The following SLC18A3 variants were observed in gnomAD, a reference collection of about 807,000 sequenced individuals.
The protein encoded by SLC18A3 is vesicular acetylcholine transporter.
In SLC18A3, 18 loss-of-function variants were observed where a neutral mutation model predicts 24.2. The observed-to-expected ratio is 0.74, with a 90% confidence interval of 0.51 to 1.10. SLC18A3 has a LOEUF of 1.10. Among genes scored for constraint, SLC18A3 ranks in the 50% least tolerant of loss-of-function variants. The probability of loss-of-function intolerance (pLI) is 0.00; values close to 1 mark genes in which losing one functional copy is unlikely to be tolerated. For missense variants in SLC18A3, 744 were observed against 750.7 expected (o/e 0.99, Z 0.10); for synonymous variants, 415 against 355.4 (o/e 1.17, Z -1.89).
Position 49,612,555 on chromosome 10 carries a change from C to T in SLC18A3, c.*216C>T, listed in dbSNP as rs1564467579. 3.6e-6 allele frequency: 2 copies of T among 554,260 alleles called. No homozygotes were observed. The highest frequency in any genetic ancestry group is 6.6e-5 in the South Asian group (2 of 30,264). The allele number at this position is 554,260 out of a possible 1,614,324, so 34.3% of individuals were successfully genotyped here. On this transcript the variant is annotated 3_prime_UTR_variant, in exon 1 of 1. Coordinates refer to ENST00000374115, the MANE Select transcript of SLC18A3 (RefSeq NM_003055.3). ...CTTGGAGCACCGAGGCCAGCGAAGC[C>T]ATCGCGCTCCTTGCGGAGGTGAAGA...
rs767165278 is a variant in SLC18A3 at position 49,612,197 on chromosome 10, T to C, written c.1457T>C (p.Leu486Pro). Residue 486 changes from leucine (L) to proline (P), a missense_variant, in exon 1 of 1, where the codon CTT becomes CCT. Physicochemically the swap from Leu to Pro is moderately conservative, Grantham distance 98. Around this residue, in one of 3 missense-constraint regions of SLC18A3, gnomAD observed 160 missense variants for 140.9 expected, o/e 1.14. Transcript: ENST00000374115. ...TRSRSERDVL[L>P]DEPPQGLYDA... Reference sequence around the variant, plus strand: ...TCCCGTTCCGAGCGCGATGTGCTGCTTGATGAGCCACCGCAAGGTCTGTAC... The same window carrying C: ...TCCCGTTCCGAGCGCGATGTGCTGCCTGATGAGCCACCGCAAGGTCTGTAC... 5 of 1,609,234 alleles carry C rather than the reference T, an allele frequency of 3.1e-6. No individual in the cohort carries two copies. The highest frequency in any genetic ancestry group is 1.3e-5 in the African/African-American group (1 of 74,946).
Position 49,612,154 on chromosome 10 carries a change from G to T in SLC18A3, c.1414G>T (p.Val472Leu), listed in dbSNP as rs778197467. The change falls in exon 1 of 1, where the codon GTG (valine) becomes TTG (leucine). Residue 472 changes from valine (V) to leucine (L), a missense_variant. Physicochemically the swap from Val to Leu is conservative, Grantham distance 32 (BLOSUM62 1). This residue lies in a region of SLC18A3 where 160 missense variants were observed against 140.9 expected (regional missense o/e 1.14). Coordinates refer to ENST00000374115, the MANE Select transcript of SLC18A3 (RefSeq NM_003055.3). ...YAPVLLLLRNVGLLTRSRSER... is the reference protein window; with the variant it reads ...YAPVLLLLRNLGLLTRSRSER... ...TCCCGTCTTGCTGCTGCTCCGCAAC[G>T]TGGGCCTCCTGACGCGCTCCCGTTC... The T allele has an allele frequency of 6.2e-7, 1 of 1,611,340 alleles. No individual in the cohort carries two copies. The highest frequency in any genetic ancestry group is 2.2e-5 in the East Asian group (1 of 44,852).
rs1229040718 is a variant in SLC18A3, at chr10:49,610,925, C to T, written c.185C>T (p.Ala62Val). 1 of 1,611,272 alleles carries T rather than the reference C, an allele frequency of 6.2e-7. No individual in the cohort carries two copies. The change falls in exon 1 of 1, where the codon GCC becomes GTC. Residue 62 changes from alanine to valine, a missense_variant. Physicochemically the swap from Ala to Val is moderately conservative, Grantham distance 64 (BLOSUM62 0). Around this residue, in one of 3 missense-constraint regions of SLC18A3, gnomAD observed 566 missense variants for 566.2 expected, o/e 1.00. Coordinates refer to ENST00000374115, the MANE Select transcript of SLC18A3 (RefSeq NM_003055.3). The stretch of plus-strand genomic sequence containing the variant: ...GTGCCCATAGTGCCCGACTACATCG[C>T]CCACATGCGCGGGGGCGGCGAGGGC... Reference protein sequence around the residue: ...VIVPIVPDYIAHMRGGGEGPT... With the variant: ...VIVPIVPDYIVHMRGGGEGPT...
At position 49,610,841 on chromosome 10, in the gene SLC18A3, T is replaced by A; in HGVS notation, c.101T>A (p.Leu34Gln). ...ALQEPRRQRRLVLVIVCVALL... is the reference protein window; with the variant it reads ...ALQEPRRQRRQVLVIVCVALL... ...CAGGAGCCCCGGCGGCAGAGGCGCC[T>A]GGTGCTTGTTATCGTGTGCGTGGCG... Residue 34 changes from leucine (L) to glutamine (Q), a missense_variant, in exon 1 of 1, where the codon CTG becomes CAG. Physicochemically the swap from Leu to Gln is moderately radical, Grantham distance 113. Coordinates refer to ENST00000374115, the MANE Select transcript of SLC18A3 (RefSeq NM_003055.3). 1 of 1,611,224 alleles carries A rather than the reference T, an allele frequency of 6.2e-7. No individual in the cohort carries two copies. Among genetic ancestry groups the A allele is most frequent in the Non-Finnish European group, 8.5e-7 (1 of 1,178,740 alleles).
In SLC18A3 at chr10:49,610,358, G is replaced by T. The variant is rs1264138696; in HGVS notation, c.-383G>T. On this transcript the variant is annotated 5_prime_UTR_variant, in exon 1 of 1. Transcript: ENST00000374115. ...AGCGCAGCGGCGGGGCTAACGGGCG[G>T]GCAAGCGGGCGGGCGGCAACAGCAT... The T allele has an allele frequency of 4.8e-6, 1 of 206,610 alleles. No homozygotes were observed. The allele number at this position is 206,610 out of a possible 1,614,324, so 12.8% of individuals were successfully genotyped here.
chr10:49,612,387 G>T lies in SLC18A3; in HGVS notation c.*48G>T. ...CACCCAACCGCCTTGGGTCAAGGGG[G>T]CTGCTCTGCAAGCCCACTGGCCAGC... On this transcript the variant is annotated 3_prime_UTR_variant, in exon 1 of 1. Transcript: ENST00000374115. 6.5e-7 allele frequency: 1 copy of T among 1,530,320 alleles called. No individual in the cohort carries two copies. The highest frequency in any genetic ancestry group is 8.8e-7 in the Non-Finnish European group (1 of 1,135,588). 94.8% of individuals were successfully genotyped at this position (1,530,320 alleles called of 1,614,324 possible).
Position 49,610,935 on chromosome 10 carries a change from C to T in SLC18A3, c.195C>T (p.Arg65=), listed in dbSNP as rs1449755714. The T allele has an allele frequency of 1.9e-6, 3 of 1,610,468 alleles. No individual in the cohort carries two copies. The highest frequency in any genetic ancestry group is 2.5e-6 in the Non-Finnish European group (3 of 1,177,934). ...TGCCCGACTACATCGCCCACATGCG[C>T]GGGGGCGGCGAGGGCCCCACCCGGA... ...PIVPDYIAHM[R]GGGEGPTRTP... Residue 65 remains arginine, a synonymous_variant, in exon 1 of 1, where the codon CGC becomes CGT. Coordinates refer to ENST00000374115, the MANE Select transcript of SLC18A3 (RefSeq NM_003055.3).
rs757904152 is a variant in SLC18A3 at position 49,612,132 on chromosome 10, C to G, written c.1392C>G (p.Pro464=). ...GMGLANLLYA[P]VLLLLRNVGL... ...GACTGGCCAACCTGCTCTATGCTCC[C>G]GTCTTGCTGCTGCTCCGCAACGTGG... Residue 464 remains proline, a synonymous_variant, in exon 1 of 1, where the codon CCC becomes CCG. Transcript: ENST00000374115. The G allele has an allele frequency of 3.1e-6, 5 of 1,612,212 alleles. No homozygotes were observed. The highest frequency in any genetic ancestry group is 4.2e-6 in the Non-Finnish European group (5 of 1,179,728).
rs1348048073 is a variant in SLC18A3 at position 49,610,687 on chromosome 10, C to A, written c.-54C>A. On this transcript the variant is annotated 5_prime_UTR_variant, in exon 1 of 1. Transcript: ENST00000374115. ...GTGCCCTCGCCTCTGCACTGCGGGA[C>A]GCCAGCGCTCGGCCCTGGCGGAGGC... 3.5e-6 allele frequency: 5 copies of A among 1,443,414 alleles called. No homozygotes were observed. The highest frequency in any genetic ancestry group is 2.5e-5 in the East Asian group (1 of 39,384). 89.4% of individuals were successfully genotyped at this position (1,443,414 alleles called of 1,614,324 possible).
rs1404084769 is a variant in SLC18A3 at position 49,611,784 on chromosome 10, G to A, written c.1044G>A (p.Leu348=). Residue 348 remains leucine, a synonymous_variant, in exon 1 of 1, where the codon CTG becomes CTA. Transcript: ENST00000374115. ...HVLGVYLTVR[L]AARYPHLQWL... is the part of the protein sequence containing the mutation. ...TGGGCGTCTACCTCACCGTGCGCCT[G>A]GCGGCGCGCTACCCACACCTGCAGT... 9 of 1,602,960 alleles carry A rather than the reference G, an allele frequency of 5.6e-6. No individual in the cohort carries two copies. The highest frequency in any genetic ancestry group is 7.6e-6 in the Non-Finnish European group (9 of 1,179,842).
In SLC18A3 at chr10:49,611,364, G is replaced by A. The variant is rs1484351159; in HGVS notation, c.624G>A (p.Pro208=). ...TCGCCGATAAGTACCCGGAGGAGCC[G>A]GAGCGCAGTCGTGCACTGGGCGTGG... ...AMIADKYPEE[P]ERSRALGVAL... Residue 208 remains proline (P), a synonymous_variant, in exon 1 of 1, where the codon CCG becomes CCA. Coordinates refer to ENST00000374115, the MANE Select transcript of SLC18A3 (RefSeq NM_003055.3). 11 of 1,600,150 alleles carry A rather than the reference G, an allele frequency of 6.9e-6. No homozygotes were observed. The highest frequency in any genetic ancestry group is 1.1e-5 in the South Asian group (1 of 91,006).
chr10:49,611,355 G>A lies in SLC18A3; in HGVS notation c.615G>A (p.Pro205=), dbSNP rs8187726. ...TAGCCATGATCGCCGATAAGTACCC[G>A]GAGGAGCCGGAGCGCAGTCGTGCAC... The part of the protein sequence containing the change: ...SGIAMIADKY[P]EEPERSRALG... The change falls in exon 1 of 1, where the codon CCG becomes CCA. Residue 205 remains proline (P), a synonymous_variant. Transcript: ENST00000374115. 2.5e-6 allele frequency: 4 copies of A among 1,600,660 alleles called. No homozygotes were observed. The highest frequency in any genetic ancestry group is 2.2e-5 in the East Asian group (1 of 44,848).
At position 49,611,468 on chromosome 10, in the gene SLC18A3, T is replaced by G; in HGVS notation, c.728T>G (p.Val243Gly). Residue 243 changes from valine to glycine, a missense_variant, in exon 1 of 1, where the codon GTG becomes GGG. Transcript: ENST00000374115. The part of the protein sequence containing the change: ...GILYEFAGKR[V>G]PFLVLAAVSL... ...CTCTATGAGTTCGCCGGCAAGCGCG[T>G]GCCCTTCTTGGTGCTAGCTGCCGTG... The G allele has an allele frequency of 6.3e-7, 1 of 1,599,248 alleles. No individual in the cohort carries two copies.
In SLC18A3 at chr10:49,611,125, G is replaced by T. The variant is rs765251455; in HGVS notation, c.385G>T (p.Ala129Ser). 1.5e-5 allele frequency: 24 copies of T among 1,614,038 alleles called. No homozygotes were observed. In the East Asian group the frequency reaches 4.9e-4, roughly 33 times the overall value. ...AGACGTGAAGATCGGGGTGCTGTTT[G>T]CTTCCAAGGCTATCCTGCAGCTGCT... Reference protein sequence around the residue: ...SEDVKIGVLFASKAILQLLVN... With the variant: ...SEDVKIGVLFSSKAILQLLVN... The change falls in exon 1 of 1, where the codon GCT becomes TCT. Residue 129 changes from alanine (A) to serine (S), a missense_variant. Coordinates refer to ENST00000374115, the MANE Select transcript of SLC18A3 (RefSeq NM_003055.3).
At position 49,611,845 on chromosome 10, in the gene SLC18A3, G is replaced by GGCC; in HGVS notation, c.1105_1106insGCC (p.Ala369delinsGlyPro). On this transcript the variant is annotated protein_altering_variant, in exon 1 of 1. Transcript: ENST00000374115. ...CGCGCTTGGGCTGGCTGTGATCGGC[G>GGCC]CCAGCTCGTGCATCGTGCCCGCCTG... 6.2e-7 allele frequency: 1 copy of GGCC among 1,604,780 alleles called. No homozygotes were observed. Among genetic ancestry groups the GGCC allele is most frequent in the Non-Finnish European group, 8.5e-7 (1 of 1,179,750 alleles).
rs1230546425 is a variant in SLC18A3 at position 49,612,085 on chromosome 10, G to A, written c.1345G>A (p.Glu449Lys). Residue 449 changes from glutamate to lysine, a missense_variant, in exon 1 of 1, where the codon GAG becomes AAG. Physicochemically the swap from Glu to Lys is moderately conservative, Grantham distance 56. Transcript: ENST00000374115. ...AGHIVHSLGF[E>K]QLSLGMGLAN... is the part of the protein sequence containing the mutation. ...CCACATTGTGCACTCGCTGGGCTTT[G>A]AGCAGCTCAGCCTTGGCATGGGACT... 1 of 1,613,522 alleles carries A rather than the reference G, an allele frequency of 6.2e-7. No homozygotes were observed. Among genetic ancestry groups the A allele is most frequent in the South Asian group, 1.1e-5 (1 of 91,076 alleles).
chr10:49,611,223 C>A lies in SLC18A3; in HGVS notation c.483C>A (p.Val161=). Residue 161 remains valine, a synonymous_variant, in exon 1 of 1, where the codon GTC becomes GTA. Transcript: ENST00000374115. ...YDVPLLIGLG[V]MFASTVLFAF... Reference sequence around the variant, plus strand: ...TGCCGCTGCTGATCGGCCTGGGCGTCATGTTCGCCTCTACAGTCCTGTTCG... The same window carrying A: ...TGCCGCTGCTGATCGGCCTGGGCGTAATGTTCGCCTCTACAGTCCTGTTCG... The A allele has an allele frequency of 6.2e-7, 1 of 1,613,998 alleles. No homozygotes were observed. Among genetic ancestry groups the A allele is most frequent in the Non-Finnish European group, 8.5e-7 (1 of 1,180,010 alleles).
rs762325370 is a variant in SLC18A3, at chr10:49,612,384, G to A, written c.*45G>A. ...GCCCACCCAACCGCCTTGGGTCAAG[G>A]GGGCTGCTCTGCAAGCCCACTGGCC... On this transcript the variant is annotated 3_prime_UTR_variant, in exon 1 of 1. Coordinates refer to ENST00000374115, the MANE Select transcript of SLC18A3 (RefSeq NM_003055.3). 5 of 1,532,758 alleles carry A rather than the reference G, an allele frequency of 3.3e-6. No homozygotes were observed. The highest frequency in any genetic ancestry group is 4.0e-5 in the Admixed American group (2 of 50,458). The allele number at this position is 1,532,758 out of a possible 1,614,324, so 94.9% of individuals were successfully genotyped here.
chr10:49,611,661 C>A lies in SLC18A3; in HGVS notation c.921C>A (p.Phe307Leu). 3 of 1,611,878 alleles carry A rather than the reference C, an allele frequency of 1.9e-6. No homozygotes were observed. Among genetic ancestry groups the A allele is most frequent in the Non-Finnish European group, 2.5e-6 (3 of 1,180,006 alleles). Residue 307 changes from phenylalanine (F) to leucine (L), a missense_variant, in exon 1 of 1, where the codon TTC (phenylalanine) becomes TTA (leucine). By Grantham distance (22) the Phe-to-Leu change is conservative. Transcript: ENST00000374115. ...CCACCTGTAACATTCCCCTCGCCTTCCTCGAACCCACCATTGCCACGTGGA... is the reference window on the plus strand; with the variant it reads ...CCACCTGTAACATTCCCCTCGCCTTACTCGAACCCACCATTGCCACGTGGA... ...ALTTCNIPLA[F>L]LEPTIATWMK...
Sources: allele counts gnomAD v4.1 joint callset, GRCh38; gene constraint gnomAD v4.1.1; regional missense constraint gnomAD v4.1.1; transcripts MANE v1.5; gene names NCBI Gene and HGNC (gene_info 2026-07-23, HGNC 2026-07-21).